CCDC91: variants seen among roughly 807,000 people sequenced by gnomAD.
CCDC91 encodes coiled-coil domain containing 91, also known as coiled-coil domain-containing protein 91.
CCDC91 carries 48 observed loss-of-function variants against 63.2 expected under a neutral mutation model. That is an observed-to-expected ratio of 0.76 (90% CI 0.60 to 0.97). CCDC91 has a LOEUF of 0.97. CCDC91 is among the 50% of genes least tolerant of loss of function. The probability of loss-of-function intolerance (pLI) is 0.00; values close to 1 mark genes in which losing one functional copy is unlikely to be tolerated. For missense variants in CCDC91, 500 were observed against 494.6 expected, an observed-to-expected ratio of 1.01 and a Z score of -0.10; for synonymous variants, 167 against 165.8, an observed-to-expected ratio of 1.01 and a Z score of -0.06.
chr12:28,356,009 AT>A (rs1943499610), intron 6 of CCDC91, among the ~76,000 whole-genome samples: 2 of 152,182 alleles, frequency 1.3e-5, no homozygotes, highest in African/African-American at 4.8e-5. Flanking sequence ...TTTTAGACTG[AT>A]TCTTATCATG....
chr12:28,439,404 G>A (rs1308290250), intron 8 of CCDC91, among the ~76,000 whole-genome samples: 11 of 152,076 alleles, frequency 7.2e-5, no homozygotes, highest in Non-Finnish European at 1.6e-4. Context: ...GTTAAGTGGA[G>A]GCGTATTTAC....
intron 1 of CCDC91, among the ~76,000 whole-genome samples, chr12:28,210,395 A>C (rs868171479): frequency 6.6e-6 from 1 of 152,206 alleles, no homozygotes; most frequent in African/African-American, 2.4e-5. Flanking sequence ...CCAATTAATT[A>C]GAGCTCTTTT....
At chr12:28,365,985 G>GA (rs1276616204) in intron 7 of CCDC91, among the ~76,000 whole-genome samples, 1 of 151,754 alleles carries the variant, frequency 6.6e-6, no homozygotes, top group African/African-American at 2.4e-5. Context: ...TGAGGAGTTT[G>GA]AAAAAATGCT....
chr12:28,336,749 A>G (rs1942012447), intron 6 of CCDC91, among the ~76,000 whole-genome samples: 1 of 152,106 alleles, frequency 6.6e-6, no homozygotes, highest in African/African-American at 2.4e-5. Context: ...AGCTACAGGT[A>G]ATTCATTTTC....
chr12:28,355,375 G>A (rs1308516837), intron 6 of CCDC91, among the ~76,000 whole-genome samples: 1 of 152,146 alleles, frequency 6.6e-6, no homozygotes, highest in African/African-American at 2.4e-5. Context: ...CATTTCTCAG[G>A]CTGTGTAGGA....
At chr12:28,545,980 A>G (rs1942964409) in intron 12 of CCDC91, among the ~76,000 whole-genome samples, 1 of 152,084 alleles carries the variant, frequency 6.6e-6, no homozygotes. Flanking sequence ...TTTTTAATGT[A>G]TCTCCTGATT....
At chr12:28,463,100 T>A (rs1401120942) in intron 11 of CCDC91, among the ~76,000 whole-genome samples, 2 of 152,172 alleles carry the variant, frequency 1.3e-5, no homozygotes, top group African/African-American at 4.8e-5. Context: ...GAATGAGACT[T>A]TCTCATTGTT....
At chr12:28,516,880 C>G (rs566909057) in intron 12 of CCDC91, among the ~76,000 whole-genome samples, 76 of 151,984 alleles carry the variant, frequency 5.0e-4, no homozygotes, top group Admixed American at 1.3e-3. Flanking sequence ...GTTCTCACCT[C>G]TAAATACTCT....
chr12:28,483,935 A>T (rs1041323798), intron 11 of CCDC91, 117 bp from the exon 12 acceptor site: 1 of 558,428 alleles, frequency 1.8e-6, no homozygotes, highest in Non-Finnish European at 3.2e-6. Context: ...GTGTAAAGGT[A>T]CACTTTGAAT....
intron 3 of CCDC91, among the ~76,000 whole-genome samples, chr12:28,304,396 AAAAAAGAAAAAAAAAAAAAG>A (rs1565764790): frequency 2.4e-5 from 3 of 122,664 alleles, no homozygotes; most frequent in Non-Finnish European, 5.4e-5. Flanking sequence ...AAAAAAAAAA[AAAAAAGAAAAAAAAAAAAAG>A]AAAAAAAGAA....
At chr12:28,232,121 A>G (rs909741893) in intron 1 of CCDC91, among the ~76,000 whole-genome samples, 3 of 152,178 alleles carry the variant, frequency 2.0e-5, no homozygotes, top group African/African-American at 4.8e-5. Context: ...ATCATTTTAT[A>G]TATCTACCTG....
At chr12:28,499,296 A>C (rs1353428497) in intron 12 of CCDC91, among the ~76,000 whole-genome samples, 1 of 151,674 alleles carries the variant, frequency 6.6e-6, no homozygotes, top group African/African-American at 2.4e-5. Flanking sequence ...CCTTCTAAGC[A>C]GATACAGTTA....
At chr12:28,378,899 G>GTGTGCCTC (rs1452752818) in intron 7 of CCDC91, among the ~76,000 whole-genome samples, 1 of 152,066 alleles carries the variant, frequency 6.6e-6, no homozygotes, top group African/African-American at 2.4e-5. Flanking sequence ...GAATACTTCT[G>GTGTGCCTC]TGTGCCTCTG....
chr12:28,424,381 G>A (rs1023565819), intron 8 of CCDC91, among the ~76,000 whole-genome samples: 11 of 152,048 alleles, frequency 7.2e-5, no homozygotes, highest in African/African-American at 1.7e-4. Flanking sequence ...AAGTCCTGCC[G>A]ATTTGTTCGT....
At chr12:28,431,321 T>C (rs1293040572) in intron 8 of CCDC91, among the ~76,000 whole-genome samples, 1 of 152,130 alleles carries the variant, frequency 6.6e-6, no homozygotes, top group African/African-American at 2.4e-5. Flanking sequence ...GAGAGAAGCA[T>C]GTTAAAATGC....
intron 1 of CCDC91, among the ~76,000 whole-genome samples, chr12:28,228,813 T>C (rs1473553777): frequency 6.6e-6 from 1 of 152,150 alleles, no homozygotes; most frequent in African/African-American, 2.4e-5. Context: ...TCTTTAACTT[T>C]GATTGTCTCC....
At position 28,310,480 on chromosome 12, in the gene CCDC91, A is replaced by G. The variant is rs183329144; in HGVS notation, c.576+2731A>G. Reference sequence around the variant, plus strand: ...TGTAGGAATCAGTACTTTCAAAGAAAACTTTTTTCAGATGACTTCATTTTA... The same window carrying G: ...TGTAGGAATCAGTACTTTCAAAGAAGACTTTTTTCAGATGACTTCATTTTA... On this transcript the variant is annotated intron_variant, in intron 6 of 12. Transcript: ENST00000536442. 1.0e-3 allele frequency among the ~76,000 whole-genome samples: 155 copies of G among 152,176 alleles called. 1 individual carries two copies. Among genetic ancestry groups the G allele is most frequent in the African/African-American group, 3.6e-3 (151 of 41,556 alleles).
chr12:28,522,052 G>A (rs1279530334), intron 12 of CCDC91, among the ~76,000 whole-genome samples: 2 of 152,118 alleles, frequency 1.3e-5, no homozygotes, highest in African/African-American at 4.8e-5. Flanking sequence ...TTGTGTCTCT[G>A]CCAGGCTTTG....
intron 1 of CCDC91, among the ~76,000 whole-genome samples, chr12:28,229,750 T>C (rs1944474855): frequency 6.6e-6 from 1 of 152,058 alleles, no homozygotes; most frequent in Non-Finnish European, 1.5e-5. Flanking sequence ...GTCAGTTTCC[T>C]ATCCCTAAGA....
Sources: allele counts gnomAD v4.1 joint callset (sites outside exome capture counted in the v4.1 genomes callset), GRCh38; gene constraint gnomAD v4.1.1; transcripts MANE v1.5; gene names NCBI Gene and HGNC (gene_info 2026-07-23, HGNC 2026-07-21).